Variants in ZFAND4 observed in about 807,000 individuals in gnomAD.
The protein encoded by ZFAND4 is AN1-type zinc finger protein 4.
ZFAND4 carries 43 observed loss-of-function variants against 64.4 expected under a neutral mutation model. The ratio of observed to expected loss-of-function variants is 0.67; its 90% CI spans 0.52 to 0.86. ZFAND4 has a LOEUF of 0.86. ZFAND4 is among the 40% of genes least tolerant of loss of function. The pLI, the probability that ZFAND4 is intolerant of heterozygous loss-of-function variation, is 0.00. For missense variants in ZFAND4, 929 were observed against 859.8 expected, an observed-to-expected ratio of 1.08 and a Z score of -1.01; for synonymous variants, 296 against 305.7, an observed-to-expected ratio of 0.97 and a Z score of 0.33.
chr10:45,616,628 T>A, intron 9 of ZFAND4, 57 bp from the exon 10 acceptor site: 1 of 1,593,500 alleles, frequency 6.3e-7, no homozygotes, highest in South Asian at 1.1e-5. Context: ...GGCTCATCTG[T>A]CTGGGAGACA....
intron 8 of ZFAND4, among the ~76,000 whole-genome samples, 195 bp downstream of exon 8, chr10:45,624,386 ATT>A (rs907209779): frequency 1.3e-5 from 2 of 152,110 alleles, no homozygotes; most frequent in African/African-American, 4.8e-5. Flanking sequence ...TTCAATTTCA[ATT>A]TTTGTTTTAT....
At position 45,656,262 on chromosome 10, in the gene ZFAND4, A is replaced by C. The variant is rs190116778; in HGVS notation, c.185-3203T>G. Reference sequence around the variant, plus strand: ...AAGAGAAGAGAAGAGAAGAGAAGAGAAGAATTGGTACCAATCCTACTGAAA... The same window carrying C: ...AAGAGAAGAGAAGAGAAGAGAAGAGCAGAATTGGTACCAATCCTACTGAAA... On this transcript the variant is annotated intron_variant, in intron 2 of 9. Coordinates refer to ENST00000344646, the MANE Select transcript of ZFAND4 (RefSeq NM_174890.4). 1.4e-3 allele frequency among the ~76,000 whole-genome samples: 187 copies of C among 131,316 alleles called. 2 individuals are homozygous for C. Among genetic ancestry groups the C allele is most frequent in the Non-Finnish European group, 1.9e-3 (113 of 60,792 alleles). The allele number at this position is 131,316 out of a possible 152,430, so 86.1% of individuals were successfully genotyped here.
chr10:45,660,247 A>C (rs950111103), intron 2 of ZFAND4, among the ~76,000 whole-genome samples: 1 of 152,082 alleles, frequency 6.6e-6, no homozygotes, highest in Non-Finnish European at 1.5e-5. Flanking sequence ...GCTACTTGAA[A>C]GGCTGAGGCA....
intron 8 of ZFAND4, among the ~76,000 whole-genome samples, chr10:45,622,024 T>C (rs1179436158): frequency 6.6e-6 from 1 of 152,064 alleles, no homozygotes; most frequent in Non-Finnish European, 1.5e-5. Flanking sequence ...ATGGGTGCAA[T>C]GCAAATTTCC....
At chr10:45,629,303 C>T (rs1312451167) in intron 6 of ZFAND4, among the ~76,000 whole-genome samples, 1 of 152,070 alleles carries the variant, frequency 6.6e-6, no homozygotes, top group East Asian at 1.9e-4. Context: ...TTCAAGTGAT[C>T]CTCCCACCTC....
At chr10:45,635,195 C>CAAAAAAAAAAAAAAAAACAAAAAAAAAA (rs2046470789) in intron 6 of ZFAND4, among the ~76,000 whole-genome samples, 1 of 27,624 alleles carries the variant, frequency 3.6e-5, no homozygotes, top group African/African-American at 1.7e-4. Flanking sequence ...GCCATCTAAG[C>CAAAAAAAAAAAAAAAAACAAAAAAAAAA]AAAAAAAAAA....
At chr10:45,658,918 C>G (rs1036683428) in intron 2 of ZFAND4, among the ~76,000 whole-genome samples, 1 of 152,182 alleles carries the variant, frequency 6.6e-6, no homozygotes, top group Non-Finnish European at 1.5e-5. Flanking sequence ...AAACCAACAA[C>G]TTTTCTTTGT....
intron 2 of ZFAND4, among the ~76,000 whole-genome samples, chr10:45,663,307 A>G (rs1302038076): frequency 6.6e-6 from 1 of 152,202 alleles, no homozygotes; most frequent in East Asian, 1.9e-4. Flanking sequence ...ATTATTTCAC[A>G]CCATAGCATG....
At position 45,616,575 on chromosome 10, in the gene ZFAND4, A is replaced by G. The variant is rs1445233081; in HGVS notation, c.2049-4T>C. The G allele has an allele frequency of 6.2e-7, 1 of 1,613,764 alleles. No homozygotes were observed. The highest frequency in any genetic ancestry group is 1.3e-5 in the African/African-American group (1 of 74,908). ...TGCACAGAAGTTGTTTCCACATCTA[A>G]AGCACAAAAAAAGTTTACGTGAATA... On this transcript the variant is annotated splice_polypyrimidine_tract_variant and splice_region_variant and intron_variant, in intron 9 of 9. Transcript: ENST00000344646.
chr10:45,633,638 T>C lies in ZFAND4; in HGVS notation c.717+6178A>G, dbSNP rs547681448. 1.1e-3 allele frequency among the ~76,000 whole-genome samples: 160 copies of C among 151,552 alleles called. 1 individual carries two copies. The highest frequency in any genetic ancestry group is 3.6e-3 in the African/African-American group (149 of 41,240). ...CTAATGAGGAAATACCAACTAAAAT[T>C]GCAAATTTTCTTTAAAAAAAAAAAC... On this transcript the variant is annotated intron_variant, in intron 6 of 9. Transcript: ENST00000344646.
At position 45,652,038 on chromosome 10, in the gene ZFAND4, G is replaced by C; in HGVS notation, c.261-5C>G. 6.2e-7 allele frequency: 1 copy of C among 1,613,376 alleles called. No individual in the cohort carries two copies. The highest frequency in any genetic ancestry group is 8.5e-7 in the Non-Finnish European group (1 of 1,179,538). On this transcript the variant is annotated splice_region_variant and splice_polypyrimidine_tract_variant and intron_variant, in intron 3 of 9. Coordinates refer to ENST00000344646, the MANE Select transcript of ZFAND4 (RefSeq NM_174890.4). ...AAGGTACACCCTTCTGAAATGCTGT[G>C]GATAGTTAACACAAAAATAAATCAT...
At position 45,616,229 on chromosome 10, in the gene ZFAND4, GTTGTTAAAACTAC is replaced by G; in HGVS notation, c.*194_*206del. The G allele has an allele frequency of 1.7e-6, 1 of 594,344 alleles. No homozygotes were observed. The highest frequency in any genetic ancestry group is 2.7e-6 in the Non-Finnish European group (1 of 365,106). The allele number at this position is 594,344 out of a possible 1,614,324, so 36.8% of individuals were successfully genotyped here. ...CAAAGCTAAATCATTCCAGTGTAAA[GTTGTTAAAACTAC>G]TTTTAAAACTTTTGTTTCACCAAGA... On this transcript the variant is annotated 3_prime_UTR_variant, in exon 10 of 10. Coordinates refer to ENST00000344646, the MANE Select transcript of ZFAND4 (RefSeq NM_174890.4).
intron 5 of ZFAND4, among the ~76,000 whole-genome samples, chr10:45,645,450 T>C (rs938622791): frequency 6.6e-6 from 1 of 151,948 alleles, no homozygotes; most frequent in Admixed American, 6.6e-5. Flanking sequence ...TTTTATTATG[T>C]TTTTTTTAGC....
chr10:45,637,910 T>C (rs1371953288), intron 6 of ZFAND4, among the ~76,000 whole-genome samples: 3 of 152,156 alleles, frequency 2.0e-5, no homozygotes, highest in Non-Finnish European at 2.9e-5. Flanking sequence ...ACCCATAGTA[T>C]ATAAAGATGC....
At position 45,616,670 on chromosome 10, in the gene ZFAND4, C is replaced by G. The variant is rs1475010709; in HGVS notation, c.2049-99G>C. On this transcript the variant is annotated intron_variant, in intron 9 of 9. Coordinates refer to ENST00000344646, the MANE Select transcript of ZFAND4 (RefSeq NM_174890.4). The stretch of plus-strand genomic sequence containing the variant: ...TGACTTCAGGTAGTCCAACAGGGGC[C>G]CTTTGGTTCTTTTTAGCAATTTCAC... The G allele has an allele frequency of 7.0e-6, 9 of 1,280,466 alleles. No individual in the cohort carries two copies. In the East Asian group the frequency reaches 1.9e-4, roughly 27 times the overall value. The allele number at this position is 1,280,466 out of a possible 1,614,324, so 79.3% of individuals were successfully genotyped here.
At chr10:45,638,928 T>C (rs1179949399) in intron 6 of ZFAND4, among the ~76,000 whole-genome samples, 1 of 152,228 alleles carries the variant, frequency 6.6e-6, no homozygotes, top group African/African-American at 2.4e-5. Flanking sequence ...ACAGTCGTTA[T>C]TTCTGAGAGT....
intron 1 of ZFAND4, among the ~76,000 whole-genome samples, chr10:45,669,682 A>G (rs2049053506): frequency 1.3e-5 from 2 of 152,324 alleles, no homozygotes; most frequent in East Asian, 1.9e-4. Flanking sequence ...CTTATCCACT[A>G]TGATCAAGTC....
In ZFAND4 at chr10:45,648,475, C is replaced by T. The variant is rs772437915; in HGVS notation, c.388G>A (p.Val130Ile). The change falls in exon 5 of 10, where the codon GTC (valine) becomes ATC (isoleucine). Residue 130 changes from valine to isoleucine, a missense_variant. Val to Ile is a conservative substitution (Grantham distance 29). Coordinates refer to ENST00000344646, the MANE Select transcript of ZFAND4 (RefSeq NM_174890.4). ...AEYLDSSRVE[V>I]WEKTSCSKQV... ...TTGCTGCAGGAGGTCTTCTCCCAGA[C>T]CTCAACTCGACTGGAATCCAAGTAC... 6.2e-7 allele frequency: 1 copy of T among 1,613,858 alleles called. No individual in the cohort carries two copies. Among genetic ancestry groups the T allele is most frequent in the Middle Eastern group, 1.6e-4 (1 of 6,062 alleles).
chr10:45,642,639 A>C (rs2047090131), intron 5 of ZFAND4, among the ~76,000 whole-genome samples: 1 of 151,248 alleles, frequency 6.6e-6, no homozygotes, highest in African/African-American at 2.4e-5. Flanking sequence ...AATCATGATA[A>C]ATCACTGGAC....
Sources: gnomAD v4.1 joint callset for allele counts (sites outside exome capture counted in the v4.1 genomes callset) on GRCh38, gnomAD v4.1.1 for gene constraint, MANE v1.5 for transcripts, NCBI Gene and HGNC (gene_info 2026-07-23, HGNC 2026-07-21) for gene names.